Variants in KAT2B observed in about 807,000 individuals in gnomAD.
The protein encoded by KAT2B is histone acetyltransferase KAT2B.
Under a neutral mutation model 105.9 loss-of-function variants are expected in KAT2B, and 36 were observed. The observed-to-expected ratio is 0.34, with a 90% CI of 0.26 to 0.45. KAT2B has a LOEUF of 0.45. Ranked by LOEUF, KAT2B falls within the 20% of genes least tolerant of loss-of-function variation. The pLI is 1.00. For synonymous variants in KAT2B, 397 were observed against 377.9 expected (o/e 1.05, Z -0.59); for missense variants, 820 against 1,021.6 (o/e 0.80, Z 2.69).
chr3:20,121,736 GTGTGTGTGTGTGT>G, intron 8 of KAT2B, among the ~76,000 whole-genome samples: 1 of 31,656 alleles, frequency 3.2e-5, no homozygotes. Flanking sequence ...ATGCATATGT[GTGTGTGTGTGTGT>G]GTGTGTGTGT....
chr3:20,082,591 A>G (rs917247285), intron 2 of KAT2B, among the ~76,000 whole-genome samples: 1 of 152,114 alleles, frequency 6.6e-6, no homozygotes, highest in Non-Finnish European at 1.5e-5. Context: ...TAACATTGAC[A>G]TTTTGATGGA....
At chr3:20,066,876 CATTTTTTA>C (rs1698231466) in intron 1 of KAT2B, among the ~76,000 whole-genome samples, 1 of 151,844 alleles carries the variant, frequency 6.6e-6, no homozygotes, top group South Asian at 2.1e-4. Flanking sequence ...GATATTTTAA[CATTTTTTA>C]ATACGAAGTC....
At chr3:20,092,779 G>A (rs1252998376) in intron 2 of KAT2B, among the ~76,000 whole-genome samples, 1 of 152,008 alleles carries the variant, frequency 6.6e-6, no homozygotes, top group Non-Finnish European at 1.5e-5. Context: ...TCGGCTCACT[G>A]CAATCTCCGC....
At chr3:20,062,461 A>ATT (rs1215716353) in intron 1 of KAT2B, among the ~76,000 whole-genome samples, 6 of 114,428 alleles carry the variant, frequency 5.2e-5, no homozygotes, top group African/African-American at 1.6e-4. Context: ...TATATATTTT[A>ATT]TTTTATATAT....
chr3:20,062,414 T>C (rs1698152413), intron 1 of KAT2B, among the ~76,000 whole-genome samples: 1 of 91,368 alleles, frequency 1.1e-5, no homozygotes, highest in Non-Finnish European at 2.0e-5. Flanking sequence ...TTATATATTA[T>C]ATATTATTAT....
In KAT2B at chr3:20,097,214, C is replaced by T. The variant is rs540945315; in HGVS notation, c.576+1806C>T. 2.0e-5 allele frequency among the ~76,000 whole-genome samples: 3 copies of T among 152,296 alleles called. No homozygotes were observed. In the East Asian group the frequency reaches 5.8e-4, roughly 29 times the overall value. Reference sequence around the variant, plus strand: ...TTTGTCTTGGAACTGTGCTCCCTGGCAGCTCCCCACTACCCTGTTGGAAGT... The same window carrying T: ...TTTGTCTTGGAACTGTGCTCCCTGGTAGCTCCCCACTACCCTGTTGGAAGT... On this transcript the variant is annotated intron_variant, in intron 3 of 17. Coordinates refer to ENST00000263754, the MANE Select transcript of KAT2B (RefSeq NM_003884.5).
intron 11 of KAT2B, among the ~76,000 whole-genome samples, chr3:20,128,764 T>G (rs974962197): frequency 1.8e-4 from 28 of 152,150 alleles, no homozygotes; most frequent in African/African-American, 6.5e-4. Context: ...TCCTAGCACT[T>G]TGGGAGGCCA....
chr3:20,113,157 C>G (rs140951326), intron 6 of KAT2B, among the ~76,000 whole-genome samples: 232 of 152,286 alleles, frequency 1.5e-3, no homozygotes, highest in Middle Eastern at 6.8e-3. Flanking sequence ...ATGTTGCTCC[C>G]AAAATGGGTT....
At chr3:20,111,134 T>C (rs550772432) in intron 5 of KAT2B, among the ~76,000 whole-genome samples, 29 of 152,340 alleles carry the variant, frequency 1.9e-4, no homozygotes, top group African/African-American at 6.7e-4. Flanking sequence ...TTTTTTCTTT[T>C]ATCTAAACTA....
intron 1 of KAT2B, among the ~76,000 whole-genome samples, chr3:20,054,943 C>A (rs781644336): frequency 8.5e-5 from 13 of 152,078 alleles, no homozygotes; most frequent in Non-Finnish European, 1.9e-4. Flanking sequence ...ACAAGGAGCC[C>A]TTTTCTTGTT....
At chr3:20,114,750 G>A in intron 6 of KAT2B, 132 bp from the exon 7 acceptor site, 1 of 594,056 alleles carries the variant, frequency 1.7e-6, no homozygotes, top group Non-Finnish European at 3.0e-6. Context: ...CATAATTTGA[G>A]TTGTAATTCT....
intron 7 of KAT2B, among the ~76,000 whole-genome samples, chr3:20,116,878 C>T (rs766824131): frequency 6.6e-6 from 1 of 152,110 alleles, no homozygotes; most frequent in South Asian, 2.1e-4. Flanking sequence ...GTTTCACATC[C>T]GTATCTAATT....
At chr3:20,127,596 T>C in intron 11 of KAT2B, 47 bp downstream of exon 11, 4 of 1,580,880 alleles carry the variant, frequency 2.5e-6, no homozygotes, top group Admixed American at 1.7e-5. Context: ...ATGTGGGGCT[T>C]CTCACTAAGG....
chr3:20,062,202 T>TAATATATAA (rs1300995799), intron 1 of KAT2B, among the ~76,000 whole-genome samples: 1 of 52,726 alleles, frequency 1.9e-5, no homozygotes, highest in African/African-American at 7.2e-5. Context: ...TATATATATT[T>TAATATATAA]TATATAAAAT....
intron 1 of KAT2B, among the ~76,000 whole-genome samples, chr3:20,061,957 A>G (rs367647970): frequency 9.8e-5 from 8 of 81,702 alleles, no homozygotes; most frequent in Admixed American, 1.7e-4. Flanking sequence ...TATTATATAT[A>G]AAACATAATA....
chr3:20,120,364 A>C (rs1699286559), intron 8 of KAT2B, among the ~76,000 whole-genome samples: 1 of 152,058 alleles, frequency 6.6e-6, no homozygotes, highest in Non-Finnish European at 1.5e-5. Context: ...AGTAGCTGGG[A>C]TTACAGGTGC....
chr3:20,087,477 T>G (rs1698641465), intron 2 of KAT2B, among the ~76,000 whole-genome samples: 1 of 152,196 alleles, frequency 6.6e-6, no homozygotes, highest in East Asian at 1.9e-4. Context: ...AATTAGCATA[T>G]CTATCACCTC....
intron 2 of KAT2B, among the ~76,000 whole-genome samples, chr3:20,088,698 C>G (rs958847632): frequency 1.3e-5 from 2 of 152,116 alleles, no homozygotes; most frequent in Admixed American, 1.3e-4. Context: ...TAGGTTGTCT[C>G]TTTACTCTGT....
At chr3:20,125,339 A>G (rs1201619774) in intron 9 of KAT2B, among the ~76,000 whole-genome samples, 1 of 150,706 alleles carries the variant, frequency 6.6e-6, no homozygotes. Flanking sequence ...TATATACATG[A>G]GTGCTACTAT....
Sources: allele counts gnomAD v4.1 joint callset (sites outside exome capture counted in the v4.1 genomes callset), GRCh38; gene constraint gnomAD v4.1.1; transcripts MANE v1.5; gene names NCBI Gene and HGNC (gene_info 2026-07-23, HGNC 2026-07-21).